Variants in SIPA1L1 observed in about 807,000 individuals in gnomAD.
SIPA1L1 encodes the protein signal induced proliferation associated 1 like 1, also known as signal-induced proliferation-associated 1-like protein 1.
SIPA1L1 carries 26 observed loss-of-function variants against 162.7 expected under a neutral mutation model. That is an observed-to-expected ratio of 0.16 (90% CI 0.12 to 0.22). SIPA1L1 has a LOEUF of 0.22. SIPA1L1 is among the 10% of genes least tolerant of loss of function. The pLI is 1.00. For synonymous variants in SIPA1L1, 829 were observed against 837.4 expected, an observed-to-expected ratio of 0.99 and a Z score of 0.17; for missense variants, 1,874 against 2,241.0, an observed-to-expected ratio of 0.84 and a Z score of 3.31.
rs761256904 is a variant in SIPA1L1, at chr14:71,733,631, A to ATT, written c.4862-35_4862-34insTT. 14 of 1,606,806 alleles carry ATT rather than the reference A, an allele frequency of 8.7e-6. 1 individual carries two copies. The Admixed American group carries it at 1.7e-4, about 19-fold the overall frequency. ...AGTTTTGAGTGGCTCTTCCACAGGC[A>ATT]CAAGAAGCATCTCATTCCTCCTCCC... On this transcript the variant is annotated intron_variant, in intron 20 of 23. Transcript: ENST00000381232.
At chr14:71,675,490 C>A (rs1254086850) in intron 12 of SIPA1L1, among the ~76,000 whole-genome samples, 1 of 152,230 alleles carries the variant, frequency 6.6e-6, no homozygotes, top group African/African-American at 2.4e-5. Context: ...CTTTGGAGGG[C>A]TGAAAGCCTG....
At chr14:71,646,464 G>A (rs2042180717) in intron 7 of SIPA1L1, among the ~76,000 whole-genome samples, 1 of 152,112 alleles carries the variant, frequency 6.6e-6, no homozygotes, top group Non-Finnish European at 1.5e-5. Flanking sequence ...GCGTGAGCCT[G>A]CAGTGTCTGT....
intron 2 of SIPA1L1, among the ~76,000 whole-genome samples, chr14:71,356,343 AATAAT>A (rs936582715): frequency 1.3e-5 from 2 of 151,870 alleles, no homozygotes; most frequent in African/African-American, 4.8e-5. Context: ...ATCAATTTAA[AATAAT>A]ATAATGTTAA....
At chr14:71,620,427 G>A (rs144042176) in intron 6 of SIPA1L1, among the ~76,000 whole-genome samples, 7 of 152,046 alleles carry the variant, frequency 4.6e-5, no homozygotes, top group African/African-American at 1.4e-4. Flanking sequence ...TTTGTCTTTC[G>A]CATTCTCTTC....
intron 2 of SIPA1L1, among the ~76,000 whole-genome samples, chr14:71,347,970 A>G (rs1320041063): frequency 6.6e-6 from 1 of 152,228 alleles, no homozygotes; most frequent in Non-Finnish European, 1.5e-5. Flanking sequence ...AGTGGAATAC[A>G]AAAGAGAAAA....
chr14:71,709,731 A>T, intron 17 of SIPA1L1, 67 bp downstream of exon 17: 1 of 1,388,198 alleles, frequency 7.2e-7, no homozygotes, highest in East Asian at 2.3e-5. Context: ...GCCTCAGCCC[A>T]CTTTACTTTG....
In SIPA1L1 at chr14:71,730,209, A is replaced by G; in HGVS notation, c.4769A>G (p.Asn1590Ser). 1 of 1,614,092 alleles carries G rather than the reference A, an allele frequency of 6.2e-7. No individual in the cohort carries two copies. The highest frequency in any genetic ancestry group is 1.3e-5 in the African/African-American group (1 of 75,018). Residue 1590 changes from asparagine to serine, a missense_variant, in exon 20 of 24, where the codon AAC (asparagine) becomes AGC (serine). This residue lies in a region of SIPA1L1 where 936 missense variants were observed against 1,051.9 expected (regional missense o/e 0.89). Coordinates refer to ENST00000381232, the MANE Select transcript of SIPA1L1 (RefSeq NM_001386936.1). Reference sequence around the variant, plus strand: ...TCACTTCTGGACCAAGCCCTGCCCAACGACGTCCTCTTCAGTAGCACGTAC... The same window carrying G: ...TCACTTCTGGACCAAGCCCTGCCCAGCGACGTCCTCTTCAGTAGCACGTAC... Reference protein sequence around the residue: ...RASLLDQALPNDVLFSSTYPS... With the variant: ...RASLLDQALPSDVLFSSTYPS...
intron 5 of SIPA1L1, among the ~76,000 whole-genome samples, chr14:71,609,657 G>T (rs1481152741): frequency 6.6e-6 from 1 of 151,922 alleles, no homozygotes; most frequent in Non-Finnish European, 1.5e-5. Context: ...AGTGGAGAAG[G>T]GGTTTCACCA....
intron 2 of SIPA1L1, among the ~76,000 whole-genome samples, chr14:71,336,862 C>A (rs988047433): frequency 4.6e-5 from 7 of 152,138 alleles, no homozygotes; most frequent in African/African-American, 1.7e-4. Context: ...GATCTGTGAC[C>A]AAGCTTTATC....
At chr14:71,353,891 A>G (rs1192320533) in intron 2 of SIPA1L1, among the ~76,000 whole-genome samples, 1 of 152,062 alleles carries the variant, frequency 6.6e-6, no homozygotes. Flanking sequence ...AGTGCCAGCC[A>G]TCTGCTTGTA....
intron 2 of SIPA1L1, among the ~76,000 whole-genome samples, chr14:71,348,156 G>C (rs552440948): frequency 1.3e-5 from 2 of 152,242 alleles, no homozygotes; most frequent in South Asian, 4.2e-4. Context: ...TAAAGGTACA[G>C]CTTGATAAAT....
At chr14:71,575,352 G>A (rs1219455753) in intron 4 of SIPA1L1, among the ~76,000 whole-genome samples, 1 of 152,158 alleles carries the variant, frequency 6.6e-6, no homozygotes, top group Non-Finnish European at 1.5e-5. Flanking sequence ...TGTATACTAT[G>A]ATGAGTGACT....
intron 2 of SIPA1L1, among the ~76,000 whole-genome samples, chr14:71,439,492 A>G (rs1234447471): frequency 1.3e-5 from 2 of 152,244 alleles, no homozygotes. Flanking sequence ...GTCAACTTTA[A>G]TTTGATTAAT....
At chr14:71,385,765 G>A (rs1402028343) in intron 2 of SIPA1L1, among the ~76,000 whole-genome samples, 1 of 145,426 alleles carries the variant, frequency 6.9e-6, no homozygotes, top group Non-Finnish European at 1.5e-5. Context: ...TCGGCTCACT[G>A]CAACTTCTGA....
In SIPA1L1 at chr14:71,349,694, T is replaced by C. The variant is rs1453047630; in HGVS notation, c.-465+28513T>C. Among the ~76,000 whole-genome samples the C allele has an allele frequency of 2.6e-5, 4 of 152,302 alleles. No individual in the cohort carries two copies. The East Asian group carries it at 7.7e-4, about 29-fold the overall frequency. Reference sequence around the variant, plus strand: ...GATGGTTTCAATATTACAAAAAACATTCACTGGGTTTCTAATTCCTGTGGG... The same window carrying C: ...GATGGTTTCAATATTACAAAAAACACTCACTGGGTTTCTAATTCCTGTGGG... On this transcript the variant is annotated intron_variant, in intron 2 of 23. Transcript: ENST00000381232.
intron 4 of SIPA1L1, among the ~76,000 whole-genome samples, chr14:71,544,895 A>G (rs1056136487): frequency 7.9e-5 from 12 of 151,988 alleles, no homozygotes; most frequent in Non-Finnish European, 1.3e-4. Context: ...ATTTTTTTAA[A>G]TTTTTATTTT....
At chr14:71,708,029 G>T (rs7494388) in intron 16 of SIPA1L1, among the ~76,000 whole-genome samples, 3,530 of 80,568 alleles carry the variant, frequency 0.044, 8 homozygotes, top group Middle Eastern at 0.09. Flanking sequence ...TTTTTTTTTT[G>T]TTTTTTTTTT....
chr14:71,674,678 C>T (rs2149410310), intron 12 of SIPA1L1, among the ~76,000 whole-genome samples: 1 of 151,136 alleles, frequency 6.6e-6, no homozygotes, highest in South Asian at 2.1e-4. Context: ...CATTCTCCTG[C>T]CTCAGCCTCC....
At position 71,704,615 on chromosome 14, in the gene SIPA1L1, T is replaced by C. The variant is rs1196012265; in HGVS notation, c.3647-607T>C. The C allele has an allele frequency of 1.3e-5, 10 of 754,544 alleles. No homozygotes were observed. In the Admixed American group the frequency reaches 2.0e-4, roughly 15 times the overall value. 46.7% of individuals were successfully genotyped at this position (754,544 alleles called of 1,614,324 possible). A position where few individuals can be genotyped will look rare whatever the true frequency, so the allele number is the denominator to read the frequency against. ...AGTGGTGTTATGGAGGATAAATTCT[T>C]TATCTCTCACTTTTGGAACCCCATC... is the stretch of plus-strand genomic sequence containing the variant. On this transcript the variant is annotated intron_variant, in intron 15 of 23. Transcript: ENST00000381232.
Sources: allele counts gnomAD v4.1 joint callset (sites outside exome capture counted in the v4.1 genomes callset), GRCh38; gene constraint gnomAD v4.1.1; regional missense constraint gnomAD v4.1.1; transcripts MANE v1.5; gene names NCBI Gene and HGNC (gene_info 2026-07-23, HGNC 2026-07-21).